The following NUP62 variants were observed in gnomAD, a reference collection of about 807,000 sequenced individuals.
The protein encoded by NUP62 is nuclear pore glycoprotein p62.
For missense variants in NUP62, 647 were observed against 689.4 expected (o/e 0.94, Z 0.69); for synonymous variants, 305 against 303.4 (o/e 1.01, Z -0.05).
intron 2 of NUP62, among the ~76,000 whole-genome samples, chr19:49,917,050 G>A (rs1304591208): frequency 6.6e-6 from 1 of 152,256 alleles, no homozygotes; most frequent in Admixed American, 6.5e-5. Context: ...CTGTCTCCGT[G>A]GGACCTCCCC....
At chr19:49,913,785 G>T (rs2075545746) in intron 2 of NUP62, among the ~76,000 whole-genome samples, 1 of 152,182 alleles carries the variant, frequency 6.6e-6, no homozygotes. Context: ...GTGGTCTTGG[G>T]GACTGTGGGC....
In NUP62 at chr19:49,908,307, C is replaced by T. The variant is rs1330631179; in HGVS notation, c.1501G>A (p.Glu501Lys). The change falls in exon 3 of 3, where the codon GAG becomes AAG. Residue 501 changes from glutamate to lysine, a missense_variant. By Grantham distance (56) the Glu-to-Lys change is moderately conservative. Coordinates refer to ENST00000352066, the MANE Select transcript of NUP62 (RefSeq NM_016553.5). ...CGGCCCTCGCACACCTTGGTCACCT[C>T]CTCCACCTTCCTCTGCAGCAGGGCC... ...NSALLQRKVE[E>K]VTKVCEGRRK... 3.7e-6 allele frequency: 6 copies of T among 1,613,998 alleles called. No homozygotes were observed. Among genetic ancestry groups the T allele is most frequent in the Non-Finnish European group, 5.1e-6 (6 of 1,180,052 alleles).
intron 2 of NUP62, among the ~76,000 whole-genome samples, chr19:49,914,296 G>A (rs145811656): frequency 4.5e-4 from 68 of 152,278 alleles, no homozygotes; most frequent in Middle Eastern, 6.8e-3. Flanking sequence ...TGCTGGTGGC[G>A]GTGGAGGAAG....
At chr19:49,925,008 T>C (rs184254051) in intron 2 of NUP62, among the ~76,000 whole-genome samples, 2 of 152,306 alleles carry the variant, frequency 1.3e-5, no homozygotes, top group East Asian at 3.9e-4. Context: ...ACGCCTGTAA[T>C]ACCAGCACTT....
Position 49,909,217 on chromosome 19 carries a change from G to T in NUP62, c.591C>A (p.Ala197=), listed in dbSNP as rs1447911678. ...TLPFTPATPA[A]TTAGATQPAA... is the part of the protein sequence containing the mutation. ...CTGGCTGTGTGGCACCTGCTGTGGT[G>T]GCTGCTGGCGTGGCCGGAGTGAAGG... The change falls in exon 3 of 3, where the codon GCC becomes GCA. Residue 197 remains alanine, a synonymous_variant. Coordinates refer to ENST00000352066, the MANE Select transcript of NUP62 (RefSeq NM_016553.5). The T allele has an allele frequency of 6.2e-7, 1 of 1,614,098 alleles. No individual in the cohort carries two copies. The highest frequency in any genetic ancestry group is 2.2e-5 in the East Asian group (1 of 44,882).
chr19:49,925,256 C>A (rs145504521), intron 2 of NUP62, among the ~76,000 whole-genome samples: 1 of 151,722 alleles, frequency 6.6e-6, no homozygotes, highest in Non-Finnish European at 1.5e-5. Flanking sequence ...AGTGAAACTC[C>A]GTCTCAAAAA....
At chr19:49,923,509 G>A (rs551178478) in intron 2 of NUP62, among the ~76,000 whole-genome samples, 3 of 152,348 alleles carry the variant, frequency 2.0e-5, no homozygotes, top group African/African-American at 7.2e-5. Context: ...CGGCGGATCT[G>A]AAAGCAGAAG....
At chr19:49,916,871 T>G (rs1600530751) in intron 2 of NUP62, among the ~76,000 whole-genome samples, 1 of 152,176 alleles carries the variant, frequency 6.6e-6, no homozygotes. Flanking sequence ...CAGTGAGCTG[T>G]GATCATGCCA....
At chr19:49,920,391 T>G (rs1330707789) in intron 2 of NUP62, among the ~76,000 whole-genome samples, 1 of 152,210 alleles carries the variant, frequency 6.6e-6, no homozygotes, top group Non-Finnish European at 1.5e-5. Flanking sequence ...TAGGAGTTTC[T>G]TTTTAGCGTG....
At chr19:49,910,054 C>T (rs894124052) in intron 2 of NUP62, among the ~76,000 whole-genome samples, 170 bp from the exon 3 acceptor site, 2 of 152,116 alleles carry the variant, frequency 1.3e-5, no homozygotes, top group Admixed American at 6.5e-5. Context: ...CAAAAGCACG[C>T]CCCAGGGGTC....
chr19:49,920,669 C>T (rs1390428176), intron 2 of NUP62, among the ~76,000 whole-genome samples: 1 of 152,180 alleles, frequency 6.6e-6, no homozygotes, highest in Admixed American at 6.5e-5. Context: ...AAGGGCAGGC[C>T]CATGCCTTCC....
intron 2 of NUP62, among the ~76,000 whole-genome samples, chr19:49,923,654 T>C (rs986837564): frequency 6.6e-6 from 1 of 152,236 alleles, no homozygotes; most frequent in African/African-American, 2.4e-5. Flanking sequence ...CATTTCCCTA[T>C]GCCAGGCCCC....
intron 2 of NUP62, among the ~76,000 whole-genome samples, chr19:49,925,597 C>G (rs973685363): frequency 6.6e-6 from 1 of 152,152 alleles, no homozygotes; most frequent in Admixed American, 6.5e-5. Context: ...CAAGGAAAGT[C>G]TAAAACCAGT....
rs113192713 is a variant in NUP62, at chr19:49,913,562, G to A, written c.-77-3678C>T. Among the ~76,000 whole-genome samples the A allele has an allele frequency of 3.8e-3, 573 of 152,342 alleles. 5 individuals carry two copies. The highest frequency in any genetic ancestry group is 0.013 in the African/African-American group (550 of 41,578). On this transcript the variant is annotated intron_variant, in intron 2 of 2. Transcript: ENST00000352066. ...CACTGCTCCGTAAGCGTTACCACAC[G>A]CTGTTGCAGGGAGAACTGAGCACTG...
intron 2 of NUP62, among the ~76,000 whole-genome samples, chr19:49,924,503 C>G (rs893778813): frequency 6.6e-6 from 1 of 152,160 alleles, no homozygotes; most frequent in African/African-American, 2.4e-5. Flanking sequence ...CCTGCAACCA[C>G]CGCCTCACTC....
At chr19:49,928,565 T>G (rs1269119864) in intron 1 of NUP62, 2 of 152,026 alleles carry the variant, frequency 1.3e-5, no homozygotes, top group Non-Finnish European at 2.9e-5. Context: ...TTGAGCTCTG[T>G]GCATAAGGCT....
At chr19:49,910,111 C>G (rs1179581287) in intron 2 of NUP62, among the ~76,000 whole-genome samples, 1 of 152,118 alleles carries the variant, frequency 6.6e-6, no homozygotes, top group Non-Finnish European at 1.5e-5. Context: ...CCATGTTCAG[C>G]CCAGTGGAAA....
Position 49,909,687 on chromosome 19 carries a change from C to A in NUP62, c.121G>T (p.Gly41Trp). The part of the protein sequence containing the change: ...GFSFSTSGTG[G>W]FNFGAPFQPA... ...TGGAAGGGAGCCCCAAAATTAAACC[C>A]TCCAGTGCCAGAGGTGGAGAAAGAA... Residue 41 changes from glycine (G) to tryptophan (W), a missense_variant, in exon 3 of 3, where the codon GGG (glycine) becomes TGG (tryptophan). Physicochemically the swap from Gly to Trp is radical, Grantham distance 184. Coordinates refer to ENST00000352066, the MANE Select transcript of NUP62 (RefSeq NM_016553.5). The A allele has an allele frequency of 6.2e-7, 1 of 1,614,182 alleles. No individual in the cohort carries two copies.
intron 2 of NUP62, among the ~76,000 whole-genome samples, chr19:49,910,540 C>T (rs1417545616): frequency 2.0e-5 from 3 of 152,154 alleles, no homozygotes; most frequent in Non-Finnish European, 2.9e-5. Context: ...TAAACTGAGA[C>T]CTGAGCCAGG....
Sources: allele counts gnomAD v4.1 joint callset (sites outside exome capture counted in the v4.1 genomes callset), GRCh38; gene constraint gnomAD v4.1.1; transcripts MANE v1.5; gene names NCBI Gene and HGNC (gene_info 2026-07-23, HGNC 2026-07-21).